Variants in NCOA7 observed in about 807,000 individuals in gnomAD.
NCOA7 encodes nuclear receptor coactivator 7.
In NCOA7, 45 loss-of-function variants were observed where a neutral mutation model predicts 104.3. The observed-to-expected ratio is 0.43, with a 90% CI of 0.34 to 0.55. The LOEUF (loss-of-function observed/expected upper bound fraction) is 0.55. Among genes scored for constraint, NCOA7 ranks in the 20% least tolerant of loss-of-function variants. NCOA7 has a pLI of 0.02. For synonymous variants in NCOA7, 398 were observed against 402.3 expected, an observed-to-expected ratio of 0.99 and a Z score of 0.13; for missense variants, 1,041 against 1,119.7, an observed-to-expected ratio of 0.93 and a Z score of 1.00.
intron 2 of NCOA7, among the ~76,000 whole-genome samples, chr6:125,851,246 T>C (rs957538921): frequency 4.6e-5 from 7 of 152,128 alleles, no homozygotes; most frequent in Non-Finnish European, 1.0e-4. Flanking sequence ...ATATGTAGTT[T>C]TTTATCCCTC....
chr6:125,915,577 G>C, intron 11 of NCOA7, 97 bp downstream of exon 11: 1 of 1,448,420 alleles, frequency 6.9e-7, no homozygotes. Context: ...AGAAACTAGA[G>C]TCCCTGTGCA....
chr6:125,814,569 T>C (rs574989050), intron 1 of NCOA7, among the ~76,000 whole-genome samples: 2 of 152,308 alleles, frequency 1.3e-5, no homozygotes, highest in East Asian at 1.9e-4. Context: ...ACTGAATAAG[T>C]AGACAATTGG....
chr6:125,827,862 G>A (rs1424029561), intron 2 of NCOA7, among the ~76,000 whole-genome samples: 1 of 152,232 alleles, frequency 6.6e-6, no homozygotes, highest in Non-Finnish European at 1.5e-5. Context: ...ATCATGCAGG[G>A]CCTTCTTGGC....
chr6:125,912,353 C>T (rs1470192940), intron 10 of NCOA7, among the ~76,000 whole-genome samples: 1 of 147,780 alleles, frequency 6.8e-6, no homozygotes, highest in Non-Finnish European at 1.5e-5. Context: ...TTAGGAATTC[C>T]CTTTCTCTCC....
intron 2 of NCOA7, among the ~76,000 whole-genome samples, chr6:125,838,176 T>G (rs547733422): frequency 6.6e-6 from 1 of 152,282 alleles, no homozygotes; most frequent in Admixed American, 6.5e-5. Context: ...GACCATGAAG[T>G]GTTTACCCAA....
At chr6:125,839,457 C>T (rs1467869665) in intron 2 of NCOA7, among the ~76,000 whole-genome samples, 1 of 151,156 alleles carries the variant, frequency 6.6e-6, no homozygotes, top group Admixed American at 6.6e-5. Context: ...GTCCCCTCCC[C>T]TCTTGAGAAG....
In NCOA7 at chr6:125,929,783, G is replaced by A. The variant is rs1384503465; in HGVS notation, c.*1012G>A. On this transcript the variant is annotated 3_prime_UTR_variant, in exon 16 of 16. Coordinates refer to ENST00000392477, the MANE Select transcript of NCOA7 (RefSeq NM_181782.5). ...TTTTGCTTCTTACAAAATCATTTGT[G>A]TTAATAACAAAAACTTTATTTTCGG... 6.6e-6 allele frequency: 1 copy of A among 152,092 alleles called. No homozygotes were observed. Among genetic ancestry groups the A allele is most frequent in the Non-Finnish European group, 1.5e-5 (1 of 67,994 alleles). 9.4% of individuals were successfully genotyped at this position (152,092 alleles called of 1,614,324 possible). A position where few individuals can be genotyped will look rare whatever the true frequency, so the allele number is the denominator to read the frequency against.
intron 1 of NCOA7, among the ~76,000 whole-genome samples, chr6:125,796,184 G>A (rs1394205406): frequency 6.6e-6 from 1 of 151,934 alleles, no homozygotes; most frequent in Non-Finnish European, 1.5e-5. Flanking sequence ...TTCTATATTA[G>A]CTATGTTATA....
At chr6:125,922,649 C>T (rs771148741) in intron 12 of NCOA7, 33 bp from the exon 13 acceptor site, 5 of 1,595,670 alleles carry the variant, frequency 3.1e-6, no homozygotes, top group South Asian at 1.1e-5. Context: ...GTGGGTGAAC[C>T]TTCTGTTTAC....
chr6:125,888,936 C>A lies in NCOA7; in HGVS notation c.885-3C>A, dbSNP rs1410447851. ...TGTGCACCCACCATTTCTCCCCCAA[C>A]AGTGACCTACCTCAGGATCTTTGTC... On this transcript the variant is annotated splice_polypyrimidine_tract_variant and splice_region_variant and intron_variant, in intron 8 of 15. Coordinates refer to ENST00000392477, the MANE Select transcript of NCOA7 (RefSeq NM_181782.5). 1.9e-6 allele frequency: 3 copies of A among 1,585,794 alleles called. No individual in the cohort carries two copies. Among genetic ancestry groups the A allele is most frequent in the Non-Finnish European group, 2.6e-6 (3 of 1,165,342 alleles).
intron 10 of NCOA7, among the ~76,000 whole-genome samples, chr6:125,894,410 G>C (rs1356604297): frequency 6.6e-6 from 1 of 152,160 alleles, no homozygotes; most frequent in South Asian, 2.1e-4. Flanking sequence ...TTTCACTACT[G>C]TCCCCTTCCC....
chr6:125,823,119 ACT>A (rs1435862582), intron 2 of NCOA7, among the ~76,000 whole-genome samples: 6 of 151,820 alleles, frequency 4.0e-5, no homozygotes, highest in African/African-American at 1.2e-4. Flanking sequence ...GCTCAAGGAC[ACT>A]CTCTTGCATG....
intron 10 of NCOA7, among the ~76,000 whole-genome samples, chr6:125,900,348 C>T (rs1298134394): frequency 6.6e-6 from 1 of 152,218 alleles, no homozygotes; most frequent in East Asian, 1.9e-4. Flanking sequence ...GGGCTGCCAG[C>T]CTGAGGCCTC....
intron 1 of NCOA7, among the ~76,000 whole-genome samples, chr6:125,807,380 G>A (rs1023590217): frequency 2.6e-5 from 4 of 152,146 alleles, no homozygotes; most frequent in Non-Finnish European, 5.9e-5. Context: ...CTCAAAAAGG[G>A]TATGACAGAC....
chr6:125,875,802 G>T (rs149787913), intron 4 of NCOA7, among the ~76,000 whole-genome samples: 5 of 152,006 alleles, frequency 3.3e-5, no homozygotes, highest in Non-Finnish European at 5.9e-5. Flanking sequence ...ACATCTCTTT[G>T]TTCACCATTA....
At chr6:125,928,543 AG>A (rs1297125228) in intron 15 of NCOA7, 92 bp from the exon 16 acceptor site, 2 of 1,398,500 alleles carry the variant, frequency 1.4e-6, no homozygotes, top group Admixed American at 4.6e-5. Flanking sequence ...GCCTGTCAGT[AG>A]TATAAAGGAA....
At chr6:125,814,153 A>T (rs1031022389) in intron 1 of NCOA7, among the ~76,000 whole-genome samples, 2 of 152,080 alleles carry the variant, frequency 1.3e-5, no homozygotes, top group African/African-American at 4.8e-5. Flanking sequence ...TTATTTATTT[A>T]TATTTACTAA....
intron 11 of NCOA7, among the ~76,000 whole-genome samples, chr6:125,920,098 G>C (rs1787440366): frequency 6.6e-6 from 1 of 152,102 alleles, no homozygotes; most frequent in African/African-American, 2.4e-5. Context: ...AATGAACTTT[G>C]GTAATTCATA....
chr6:125,818,989 T>A (rs1777880932), intron 2 of NCOA7: 1 of 152,172 alleles, frequency 6.6e-6, no homozygotes, highest in African/African-American at 2.4e-5. Flanking sequence ...TCAACTGGTG[T>A]TCTGAGGAAG....
Sources: allele counts gnomAD v4.1 joint callset (sites outside exome capture counted in the v4.1 genomes callset), GRCh38; gene constraint gnomAD v4.1.1; transcripts MANE v1.5; gene names NCBI Gene and HGNC (gene_info 2026-07-23, HGNC 2026-07-21).